ADD3: variants seen among roughly 807,000 people sequenced by gnomAD.
The protein encoded by ADD3 is gamma-adducin.
In ADD3, 25 loss-of-function variants were observed where a neutral mutation model predicts 80.2. The observed-to-expected ratio is 0.31, with a 90% confidence interval of 0.23 to 0.44. ADD3 has a LOEUF of 0.44. Among genes scored for constraint, ADD3 ranks in the 20% least tolerant of loss-of-function variants. The probability of loss-of-function intolerance (pLI) is 1.00; values close to 1 mark genes in which losing one functional copy is unlikely to be tolerated. For synonymous variants in ADD3, 284 were observed against 289.6 expected, an observed-to-expected ratio of 0.98 and a Z score of 0.20; for missense variants, 829 against 847.5, an observed-to-expected ratio of 0.98 and a Z score of 0.27.
chr10:110,118,301 C>T (rs1020695547), intron 5 of ADD3, among the ~76,000 whole-genome samples: 16 of 152,134 alleles, frequency 1.1e-4, no homozygotes, highest in African/African-American at 2.4e-5. Flanking sequence ...TTAAGTTTCT[C>T]CTTTTCTTGG....
intron 3 of ADD3, among the ~76,000 whole-genome samples, chr10:110,115,327 T>A (rs1365788925): frequency 6.6e-6 from 1 of 152,020 alleles, no homozygotes; most frequent in Non-Finnish European, 1.5e-5. Context: ...AGGTGGATGT[T>A]GCAGTGAGCC....
At chr10:110,118,477 T>C in intron 5 of ADD3, 110 bp from the exon 6 acceptor site, 1 of 878,512 alleles carries the variant, frequency 1.1e-6, no homozygotes, top group African/African-American at 1.7e-5. Context: ...GTCCAAAATA[T>C]TTGCTATCTG....
At chr10:110,051,492 T>C (rs919969901) in intron 1 of ADD3, among the ~76,000 whole-genome samples, 1 of 152,154 alleles carries the variant, frequency 6.6e-6, no homozygotes, top group Non-Finnish European at 1.5e-5. Flanking sequence ...AGTGAAATAT[T>C]AGGGAAAATC....
chr10:110,129,150 C>CTT (rs746835809), intron 12 of ADD3, among the ~76,000 whole-genome samples: 33 of 138,294 alleles, frequency 2.4e-4, no homozygotes, highest in Non-Finnish European at 2.8e-4. Flanking sequence ...TTCTTTCTTT[C>CTT]TTTTTTTTTT....
chr10:110,130,534 A>G (rs1852824453), intron 13 of ADD3, 48 bp downstream of exon 13: 2 of 1,592,752 alleles, frequency 1.3e-6, no homozygotes, highest in Non-Finnish European at 1.7e-6. Flanking sequence ...ACTGATAACA[A>G]TAAAGTACCT....
chr10:110,111,302 A>G (rs1369415258), intron 2 of ADD3, among the ~76,000 whole-genome samples: 1 of 152,224 alleles, frequency 6.6e-6, no homozygotes, highest in Non-Finnish European at 1.5e-5. Flanking sequence ...AGCAAGGGTT[A>G]AGTGACTTAT....
intron 2 of ADD3, among the ~76,000 whole-genome samples, chr10:110,106,629 T>C (rs1203352664): frequency 6.6e-6 from 1 of 152,228 alleles, no homozygotes; most frequent in East Asian, 1.9e-4. Flanking sequence ...TCGACATTGA[T>C]AGATATATAA....
At chr10:110,041,257 A>G (rs1208592424) in intron 1 of ADD3, among the ~76,000 whole-genome samples, 1 of 152,128 alleles carries the variant, frequency 6.6e-6, no homozygotes, top group Non-Finnish European at 1.5e-5. Flanking sequence ...ATAACAGGAG[A>G]ATTGAGAGTT....
chr10:110,046,532 T>C lies in ADD3; in HGVS notation c.-30+38233T>C, dbSNP rs150781793. The stretch of plus-strand genomic sequence containing the variant: ...GGGGAGGATCAAAAGCTTTGAAGGA[T>C]ATAAAATCTCATCTAAAGTGAAATT... On this transcript the variant is annotated intron_variant, in intron 1 of 14. Transcript: ENST00000356080. Among the ~76,000 whole-genome samples the C allele has an allele frequency of 7.1e-3, 1,074 of 152,114 alleles. 5 individuals are homozygous for C. Among genetic ancestry groups the C allele is most frequent in the Non-Finnish European group, 0.012 (813 of 67,986 alleles).
chr10:110,047,207 G>T (rs1207257374), intron 1 of ADD3, among the ~76,000 whole-genome samples: 3 of 152,178 alleles, frequency 2.0e-5, no homozygotes. Flanking sequence ...GCTATTAATA[G>T]ATCATTTATA....
chr10:110,047,678 G>A (rs565040200), intron 1 of ADD3, among the ~76,000 whole-genome samples: 11 of 152,238 alleles, frequency 7.2e-5, no homozygotes, highest in Admixed American at 5.2e-4. Flanking sequence ...GGAAAATAAG[G>A]AAAGATAGTT....
intron 1 of ADD3, among the ~76,000 whole-genome samples, chr10:110,055,717 T>C (rs1858103573): frequency 6.6e-6 from 1 of 152,200 alleles, no homozygotes; most frequent in South Asian, 2.1e-4. Flanking sequence ...CCTTAACTTG[T>C]CTAAGCCACA....
intron 2 of ADD3, among the ~76,000 whole-genome samples, chr10:110,111,852 G>A (rs1285791602): frequency 6.6e-6 from 1 of 151,946 alleles, no homozygotes; most frequent in Non-Finnish European, 1.5e-5. Flanking sequence ...GGCGGAGGTT[G>A]CGGTGAGTTG....
At chr10:110,063,895 A>G (rs960068871) in intron 1 of ADD3, among the ~76,000 whole-genome samples, 12 of 150,750 alleles carry the variant, frequency 8.0e-5, no homozygotes, top group Non-Finnish European at 1.2e-4. Flanking sequence ...TAATCCTGAC[A>G]TAATTTAGTT....
intron 1 of ADD3, among the ~76,000 whole-genome samples, chr10:110,069,198 C>T (rs758269075): frequency 9.2e-5 from 14 of 152,210 alleles, no homozygotes; most frequent in Non-Finnish European, 1.6e-4. Flanking sequence ...CTTAATTTTT[C>T]CATTTTAAAG....
chr10:110,016,605 A>AGG (rs1335302556), intron 1 of ADD3: 2 of 152,208 alleles, frequency 1.3e-5, no homozygotes, highest in African/African-American at 4.8e-5. Context: ...CAAACAAATC[A>AGG]TTTGCCTAAC....
intron 1 of ADD3, among the ~76,000 whole-genome samples, chr10:110,018,013 C>T (rs1013109203): frequency 6.6e-6 from 1 of 152,164 alleles, no homozygotes; most frequent in African/African-American, 2.4e-5. Context: ...GGTCCTTCTC[C>T]TTTATCTGTA....
At chr10:110,118,912 G>C (rs1851113584) in intron 6 of ADD3, among the ~76,000 whole-genome samples, 176 bp downstream of exon 6, 1 of 152,194 alleles carries the variant, frequency 6.6e-6, no homozygotes, top group South Asian at 2.1e-4. Context: ...GAAACAACTG[G>C]AGAAATAACA....
chr10:110,114,084 G>T (rs532126153), intron 3 of ADD3, among the ~76,000 whole-genome samples: 1 of 152,276 alleles, frequency 6.6e-6, no homozygotes, highest in East Asian at 1.9e-4. Context: ...CGGGAACAAG[G>T]AGCTACAGGA....
Sources: gnomAD v4.1 joint callset for allele counts (sites outside exome capture counted in the v4.1 genomes callset) on GRCh38, gnomAD v4.1.1 for gene constraint, MANE v1.5 for transcripts, NCBI Gene and HGNC (gene_info 2026-07-23, HGNC 2026-07-21) for gene names.